ADCY10: variants seen among roughly 807,000 people sequenced by gnomAD.
ADCY10 encodes the protein adenylate cyclase type 10.
Under a neutral mutation model 183.3 loss-of-function variants are expected in ADCY10, and 156 were observed. The observed-to-expected ratio is 0.85, with a 90% confidence interval of 0.75 to 0.97. The LOEUF is 0.97. Among genes scored for constraint, ADCY10 ranks in the 50% least tolerant of loss-of-function variants. ADCY10 has a pLI of 0.00. For missense variants in ADCY10, 1,745 were observed against 1,934.3 expected (o/e 0.90, Z 1.84); for synonymous variants, 645 against 670.0 (o/e 0.96, Z 0.58).
intron 10 of ADCY10, 137 bp from the exon 11 acceptor site, chr1:167,880,328 G>T: frequency 1.0e-6 from 1 of 998,164 alleles, no homozygotes; most frequent in Non-Finnish European, 1.6e-6. Flanking sequence ...ATTAGTTTAT[G>T]GCATTTCTAC....
chr1:167,899,867 T>C (rs988364199), intron 5 of ADCY10, among the ~76,000 whole-genome samples: 1 of 152,234 alleles, frequency 6.6e-6, no homozygotes, highest in African/African-American at 2.4e-5. Context: ...TAACATTATC[T>C]CACTACATGG....
At chr1:167,849,729 G>A (rs149073283) in intron 18 of ADCY10, among the ~76,000 whole-genome samples, 94 of 152,326 alleles carry the variant, frequency 6.2e-4, no homozygotes, top group Non-Finnish European at 1.1e-3. Flanking sequence ...CATGTTGTGG[G>A]AACAGAAAAT....
intron 7 of ADCY10, 122 bp from the exon 8 acceptor site, chr1:167,894,063 AG>A (rs1208582957): frequency 1.4e-6 from 1 of 723,946 alleles, no homozygotes; most frequent in African/African-American, 1.8e-5. Flanking sequence ...TACAGTTGTC[AG>A]GAGACTCTGG....
intron 28 of ADCY10, 90 bp downstream of exon 28, chr1:167,824,386 C>T (rs984853533): frequency 4.7e-6 from 5 of 1,074,230 alleles, no homozygotes; most frequent in Non-Finnish European, 7.3e-6. Flanking sequence ...ACTCCCTTCC[C>T]CACCCTAGGA....
At chr1:167,818,694 C>T (rs543536617) in intron 30 of ADCY10, among the ~76,000 whole-genome samples, 1 of 152,244 alleles carries the variant, frequency 6.6e-6, no homozygotes, top group East Asian at 1.9e-4. Context: ...TGTACCACCA[C>T]GCCCAGCTAA....
At chr1:167,833,809 T>G (rs1311881520) in intron 24 of ADCY10, among the ~76,000 whole-genome samples, 161 bp downstream of exon 24, 3 of 148,498 alleles carry the variant, frequency 2.0e-5, no homozygotes, top group Non-Finnish European at 4.5e-5. Flanking sequence ...TAAGCCATGG[T>G]GAGGAGGTTG....
At chr1:167,822,210 C>T (rs1201448886) in intron 29 of ADCY10, 69 bp from the exon 30 acceptor site, 1 of 1,064,194 alleles carries the variant, frequency 9.4e-7, no homozygotes, top group Non-Finnish European at 1.5e-6. Flanking sequence ...CCTAGTCACT[C>T]TCAGTTGAAT....
intron 8 of ADCY10, among the ~76,000 whole-genome samples, chr1:167,889,097 A>G (rs1185436351): frequency 6.6e-6 from 1 of 152,130 alleles, no homozygotes; most frequent in South Asian, 2.1e-4. Context: ...CTGATTACAT[A>G]GGACTTCCAG....
rs1665205261 is a variant in ADCY10 at position 167,848,347 on chromosome 1, C to A, written c.2437+14G>T. ...TACAGGCGTGAGCCACTGCGCCCGG[C>A]CAGATTTTCTTACCTTTTAATGACG... On this transcript the variant is annotated intron_variant, in intron 19 of 32. Coordinates refer to ENST00000367851, the MANE Select transcript of ADCY10 (RefSeq NM_018417.6). 6 of 1,612,570 alleles carry A rather than the reference C, an allele frequency of 3.7e-6. No individual in the cohort carries two copies. The highest frequency in any genetic ancestry group is 5.1e-6 in the Non-Finnish European group (6 of 1,179,246).
At chr1:167,826,118 G>T (rs1403698139) in intron 26 of ADCY10, among the ~76,000 whole-genome samples, 1 of 152,144 alleles carries the variant, frequency 6.6e-6, no homozygotes. Context: ...TTATAGGCAG[G>T]TCCCTGGATA....
At chr1:167,906,455 A>G (rs1669823522) in intron 1 of ADCY10, among the ~76,000 whole-genome samples, 1 of 152,056 alleles carries the variant, frequency 6.6e-6, no homozygotes, top group Non-Finnish European at 1.5e-5. Context: ...CAAATAAATA[A>G]CTTCAGATAG....
intron 1 of ADCY10, among the ~76,000 whole-genome samples, chr1:167,908,967 A>G (rs1669978528): frequency 6.6e-6 from 1 of 152,238 alleles, no homozygotes; most frequent in Admixed American, 6.5e-5. Flanking sequence ...GTATAGCTTG[A>G]ATTACTCTAA....
At chr1:167,840,590 T>G (rs1003832133) in intron 21 of ADCY10, among the ~76,000 whole-genome samples, 7 of 152,060 alleles carry the variant, frequency 4.6e-5, no homozygotes, top group African/African-American at 1.7e-4. Context: ...TCTCCTGACC[T>G]TGTGATCTGC....
chr1:167,824,213 C>T lies in ADCY10; in HGVS notation c.4052+263G>A, dbSNP rs531338560. ...GGCACGTTGCCTGTAATCCCAGCTACGTGGGAGGTTGAGGCAGGAGAATTG... is the reference window on the plus strand; with the variant it reads ...GGCACGTTGCCTGTAATCCCAGCTATGTGGGAGGTTGAGGCAGGAGAATTG... On this transcript the variant is annotated intron_variant, in intron 28 of 32. Coordinates refer to ENST00000367851, the MANE Select transcript of ADCY10 (RefSeq NM_018417.6). Among the ~76,000 whole-genome samples, 12 of 152,188 alleles carry T rather than the reference C, an allele frequency of 7.9e-5. No individual in the cohort carries two copies. In the South Asian group the frequency reaches 2.1e-3, roughly 26 times the overall value.
chr1:167,911,999 G>A (rs2102497508), intron 1 of ADCY10, among the ~76,000 whole-genome samples: 1 of 152,260 alleles, frequency 6.6e-6, no homozygotes, highest in East Asian at 1.9e-4. Flanking sequence ...AAATATCTGG[G>A]AGTTTCTTAT....
intron 1 of ADCY10, among the ~76,000 whole-genome samples, chr1:167,911,242 A>G (rs1025634264): frequency 1.3e-5 from 2 of 152,202 alleles, no homozygotes; most frequent in African/African-American, 4.8e-5. Flanking sequence ...CTCTTCAAAG[A>G]CTTTCCTCCC....
chr1:167,891,252 G>A (rs1248706434), intron 8 of ADCY10, among the ~76,000 whole-genome samples: 2 of 151,778 alleles, frequency 1.3e-5, no homozygotes, highest in East Asian at 2.0e-4. Flanking sequence ...GAGCCATCAC[G>A]CTTGGCTCAT....
At chr1:167,852,367 G>C (rs203799) in intron 18 of ADCY10, among the ~76,000 whole-genome samples, 47,450 of 151,702 alleles carry the variant, frequency 0.31, 8,625 homozygotes, top group African/African-American at 0.49. Context: ...CTGCTTGAGC[G>C]CAGGAGACGG....
chr1:167,827,879 A>C (rs1663433611), intron 26 of ADCY10, among the ~76,000 whole-genome samples: 1 of 151,684 alleles, frequency 6.6e-6, no homozygotes, highest in East Asian at 1.9e-4. Context: ...ACACTCAGCT[A>C]ATTTTTGTAT....
Sources: gnomAD v4.1 joint callset for allele counts (sites outside exome capture counted in the v4.1 genomes callset) on GRCh38, gnomAD v4.1.1 for gene constraint, MANE v1.5 for transcripts, NCBI Gene and HGNC (gene_info 2026-07-23, HGNC 2026-07-21) for gene names.